The following WDR36 variants were observed in gnomAD, a reference collection of about 807,000 sequenced individuals.
The protein encoded by WDR36 is WD repeat domain 36.
WDR36 carries 63 observed loss-of-function variants against 112.7 expected under a neutral mutation model. The observed-to-expected ratio is 0.56, with a 90% CI of 0.46 to 0.69. The LOEUF (loss-of-function observed/expected upper bound fraction) is 0.69. Ranked by LOEUF, WDR36 falls within the 30% of genes least tolerant of loss-of-function variation. The pLI, the probability that WDR36 is intolerant of heterozygous loss-of-function variation, is 0.00. For missense variants in WDR36, 1,226 were observed against 1,070.3 expected (o/e 1.15, Z -2.03); for synonymous variants, 410 against 362.2 (o/e 1.13, Z -1.50).
Position 111,124,116 on chromosome 5 carries a change from G to A in WDR36, c.2277G>A (p.Val759=). ...ATTTGTTTTTGTTTAAGTCTAAAGTGGTAAATCTTGGAGTTTTGGCTCAAA... is the reference window on the plus strand; with the variant it reads ...ATTTGTTTTTGTTTAAGTCTAAAGTAGTAAATCTTGGAGTTTTGGCTCAAA... ...EQNNDPQQSK[V]VNLGVLAQKS... is the part of the protein sequence containing the mutation. The change falls in exon 21 of 23, where the codon GTG becomes GTA. Residue 759 remains valine (V), a synonymous_variant. Transcript: ENST00000513710. The A allele has an allele frequency of 6.2e-7, 1 of 1,612,724 alleles. No homozygotes were observed. Among genetic ancestry groups the A allele is most frequent in the East Asian group, 2.2e-5 (1 of 44,752 alleles).
At chr5:111,124,353 A>T (rs775684018) in intron 21 of WDR36, among the ~76,000 whole-genome samples, 164 bp downstream of exon 21, 1 of 152,140 alleles carries the variant, frequency 6.6e-6, no homozygotes, top group Non-Finnish European at 1.5e-5. Context: ...TTTATATTAA[A>T]TAAGCCCACT....
intron 12 of WDR36, 42 bp downstream of exon 12, chr5:111,107,481 T>A (rs1391352903): frequency 6.2e-7 from 1 of 1,603,186 alleles, no homozygotes; most frequent in Admixed American, 1.7e-5. Flanking sequence ...CTTTAAAACT[T>A]TCCTATGGAA....
In WDR36 at chr5:111,097,111, G is replaced by T; in HGVS notation, c.223G>T (p.Ala75Ser). ...NSVPQDICCM[A>S]ADGRLVFAAY... The stretch of plus-strand genomic sequence containing the variant: ...TGTTCCACAGGATATCTGCTGTATG[G>T]CAGCTGATGGCAGATTAGTCTTTGC... Residue 75 changes from alanine (A) to serine (S), a missense_variant, in exon 3 of 23, where the codon GCA (alanine) becomes TCA (serine). Ala to Ser is a moderately conservative substitution (Grantham distance 99). Coordinates refer to ENST00000513710, the MANE Select transcript of WDR36 (RefSeq NM_139281.3). 6.2e-7 allele frequency: 1 copy of T among 1,613,380 alleles called. No individual in the cohort carries two copies. The highest frequency in any genetic ancestry group is 8.5e-7 in the Non-Finnish European group (1 of 1,179,592).
chr5:111,130,235 C>A lies in WDR36; in HGVS notation c.*3352C>A, dbSNP rs538370810. 119 of 203,522 alleles carry A rather than the reference C, an allele frequency of 5.8e-4. No individual in the cohort carries two copies. The highest frequency in any genetic ancestry group is 2.7e-3 in the African/African-American group (117 of 43,684). 12.6% of individuals were successfully genotyped at this position (203,522 alleles called of 1,614,324 possible). A position where few individuals can be genotyped will look rare whatever the true frequency, so the allele number is the denominator to read the frequency against. ...ATACCAAAATCCAAGCAATGCCCTG[C>A]AGATCATGGGACCTATGCATATGAA... On this transcript the variant is annotated 3_prime_UTR_variant, in exon 23 of 23. Transcript: ENST00000513710.
chr5:111,120,831 A>G (rs1753548384), intron 18 of WDR36, among the ~76,000 whole-genome samples, 165 bp from the exon 19 acceptor site: 1 of 152,174 alleles, frequency 6.6e-6, no homozygotes, highest in East Asian at 1.9e-4. Flanking sequence ...AGTTTTAGTT[A>G]ATATGAGAAA....
rs773626854 is a variant in WDR36 at position 111,110,906 on chromosome 5, T to C, written c.1560T>C (p.Ser520=). 6.2e-7 allele frequency: 1 copy of C among 1,611,660 alleles called. No homozygotes were observed. The highest frequency in any genetic ancestry group is 8.5e-7 in the Non-Finnish European group (1 of 1,178,540). Residue 520 remains serine, a synonymous_variant, in exon 14 of 23, where the codon TCT becomes TCC. Transcript: ENST00000513710. ...WNFKNKILIH[S]VSLSSSPNIM... The stretch of plus-strand genomic sequence containing the variant: ...TTAAAAACAAAATTTTAATCCATTC[T>C]GTGAGCCTCAGTTCATCTCCAAATA...
intron 16 of WDR36, among the ~76,000 whole-genome samples, chr5:111,114,032 T>C (rs1753405232): frequency 6.6e-6 from 1 of 152,154 alleles, no homozygotes; most frequent in Admixed American, 6.6e-5. Context: ...GGTGAAAATG[T>C]GTGTCTTCGG....
chr5:111,111,208 G>A lies in WDR36; in HGVS notation c.1646G>A (p.Ser549Asn). The change falls in exon 15 of 23, where the codon AGT becomes AAT. Residue 549 changes from serine to asparagine, a missense_variant. Transcript: ENST00000513710. ...LGLALDDFSI[S>N]VLDIETRKIV... ...CTCGCCTTGGATGACTTCTCCATTA[G>A]TGTTCTGGACATAGAAACTAGGAAG... 1 of 1,611,900 alleles carries A rather than the reference G, an allele frequency of 6.2e-7. No homozygotes were observed. The highest frequency in any genetic ancestry group is 1.1e-5 in the South Asian group (1 of 91,064).
At chr5:111,099,451 GTTT>G (rs796092518) in intron 4 of WDR36, among the ~76,000 whole-genome samples, 15 of 55,674 alleles carry the variant, frequency 2.7e-4, no homozygotes, top group African/African-American at 8.7e-4. Context: ...GTTTTTTTTT[GTTT>G]TTTTTTTTGT....
At chr5:111,096,104 G>T (rs1752972353) in intron 2 of WDR36, among the ~76,000 whole-genome samples, 1 of 152,186 alleles carries the variant, frequency 6.6e-6, no homozygotes, top group Non-Finnish European at 1.5e-5. Flanking sequence ...GGAATTTGCA[G>T]CATGAAAAGT....
intron 1 of WDR36, among the ~76,000 whole-genome samples, chr5:111,093,223 TGTTA>T (rs1339537827): frequency 5.3e-5 from 8 of 152,226 alleles, no homozygotes; most frequent in Non-Finnish European, 1.2e-4. Flanking sequence ...ATAAATCACT[TGTTA>T]GTGATGATTT....
At chr5:111,124,732 C>T (rs1169283915) in intron 21 of WDR36, among the ~76,000 whole-genome samples, 1 of 152,086 alleles carries the variant, frequency 6.6e-6, no homozygotes, top group East Asian at 1.9e-4. Context: ...AAACTGTAGT[C>T]ACTCTCCTAA....
chr5:111,103,413 C>T (rs1753160784), intron 6 of WDR36, among the ~76,000 whole-genome samples: 2 of 151,708 alleles, frequency 1.3e-5, no homozygotes, highest in Admixed American at 1.3e-4. Context: ...TAGCGCAAGC[C>T]TTTATGTTTT....
Position 111,128,567 on chromosome 5 carries a change from A to G in WDR36, c.*1684A>G, listed in dbSNP as rs1369225952. On this transcript the variant is annotated 3_prime_UTR_variant, in exon 23 of 23. Coordinates refer to ENST00000513710, the MANE Select transcript of WDR36 (RefSeq NM_139281.3). ...TACCTAGTAAAGATTGTAAATAACT[A>G]AAACAAAATGATAAGAGCTGTGAAC... 1 of 179,004 alleles carries G rather than the reference A, an allele frequency of 5.6e-6. No homozygotes were observed. Among genetic ancestry groups the G allele is most frequent in the East Asian group, 9.2e-5 (1 of 10,870 alleles). 11.1% of individuals were successfully genotyped at this position (179,004 alleles called of 1,614,324 possible). A position where few individuals can be genotyped will look rare whatever the true frequency, so the allele number is the denominator to read the frequency against.
intron 21 of WDR36, among the ~76,000 whole-genome samples, chr5:111,125,115 C>A (rs1465648105): frequency 6.6e-6 from 1 of 152,088 alleles, no homozygotes; most frequent in Admixed American, 6.6e-5. Flanking sequence ...GGGGTCTTCC[C>A]CCTCTGATTT....
Position 111,110,150 on chromosome 5 carries a change from G to A in WDR36, c.1327-39G>A, listed in dbSNP as rs73226341. On this transcript the variant is annotated intron_variant, in intron 12 of 22. Transcript: ENST00000513710. ...GGAAAGCATAAAGTGCAATAAAAAT[G>A]TTAGTTATTTTGTCATTTGTGGGTT... The A allele has an allele frequency of 6.2e-3, 8,737 of 1,409,208 alleles. 367 individuals are homozygous for A. In the African/African-American group the frequency reaches 0.1, roughly 16 times the overall value. The allele number at this position is 1,409,208 out of a possible 1,614,324, so 87.3% of individuals were successfully genotyped here.
At chr5:111,120,340 T>C (rs945256467) in intron 17 of WDR36, among the ~76,000 whole-genome samples, 156 bp from the exon 18 acceptor site, 9 of 152,210 alleles carry the variant, frequency 5.9e-5, no homozygotes, top group Non-Finnish European at 1.0e-4. Context: ...ATGGCATCTA[T>C]GACATAAGTC....
chr5:111,110,196 A>C lies in WDR36; in HGVS notation c.1334A>C (p.Asp445Ala), dbSNP rs372174536. Reference sequence around the variant, plus strand: ...GGGTTTTTTTTCTTAAAGGCAGTGGATATAACTTCTTGTGGAAACTTTGCT... The same window carrying C: ...GGGTTTTTTTTCTTAAAGGCAGTGGCTATAACTTCTTGTGGAAACTTTGCT... ...KKDDITATAV[D>A]ITSCGNFAVI... is the part of the protein sequence containing the mutation. The change falls in exon 13 of 23, where the codon GAT (aspartate) becomes GCT (alanine). Residue 445 changes from aspartate to alanine, a missense_variant. Asp to Ala is a moderately radical substitution (Grantham distance 126). Coordinates refer to ENST00000513710, the MANE Select transcript of WDR36 (RefSeq NM_139281.3). The C allele has an allele frequency of 6.2e-7, 1 of 1,609,644 alleles. No individual in the cohort carries two copies. Among genetic ancestry groups the C allele is most frequent in the Non-Finnish European group, 8.5e-7 (1 of 1,176,558 alleles).
At chr5:111,116,919 G>A (rs542748607) in intron 16 of WDR36, among the ~76,000 whole-genome samples, 32 of 152,308 alleles carry the variant, frequency 2.1e-4, no homozygotes, top group African/African-American at 7.2e-4. Context: ...CTTCACGTAT[G>A]TAAACTTTTG....
Sources: allele counts gnomAD v4.1 joint callset (sites outside exome capture counted in the v4.1 genomes callset), GRCh38; gene constraint gnomAD v4.1.1; transcripts MANE v1.5; gene names NCBI Gene and HGNC (gene_info 2026-07-23, HGNC 2026-07-21).